The following NKAIN3 variants were observed in gnomAD, a reference collection of about 807,000 sequenced individuals.
The protein encoded by NKAIN3 is sodium/potassium-transporting ATPase subunit beta-1-interacting protein 3.
In NKAIN3, 25 loss-of-function variants were observed where a neutral mutation model predicts 30.2. That is an observed-to-expected ratio of 0.83 (90% CI 0.60 to 1.16). The LOEUF (loss-of-function observed/expected upper bound fraction) is 1.16. NKAIN3 is among the 50% of genes most tolerant of loss of function. NKAIN3 has a pLI of 0.00. For missense variants in NKAIN3, 225 were observed against 254.1 expected (o/e 0.89, Z 0.78); for synonymous variants, 91 against 89.6 (o/e 1.02, Z -0.09).
At chr8:62,830,138 A>G (rs1441582837) in intron 4 of NKAIN3, among the ~76,000 whole-genome samples, 1 of 152,186 alleles carries the variant, frequency 6.6e-6, no homozygotes, top group African/African-American at 2.4e-5. Context: ...GGGATCTAAG[A>G]GTCATGATAG....
chr8:62,953,588 A>C (rs539808385), intron 5 of NKAIN3, among the ~76,000 whole-genome samples: 2 of 152,282 alleles, frequency 1.3e-5, no homozygotes, highest in African/African-American at 4.8e-5. Context: ...TATAGGGAGA[A>C]AGGGCATGTC....
At chr8:62,518,855 C>T (rs994995831) in intron 1 of NKAIN3, among the ~76,000 whole-genome samples, 2 of 148,022 alleles carry the variant, frequency 1.4e-5, no homozygotes, top group African/African-American at 2.6e-5. Context: ...GCTCAGATTT[C>T]TGCTAACTAG....
intron 1 of NKAIN3, among the ~76,000 whole-genome samples, chr8:62,318,508 G>T (rs1455382082): frequency 1.3e-5 from 2 of 152,160 alleles, no homozygotes; most frequent in African/African-American, 2.4e-5. Flanking sequence ...TAGCAATGAA[G>T]GTTGTTGAAG....
At chr8:62,837,479 A>T (rs746129380) in intron 4 of NKAIN3, among the ~76,000 whole-genome samples, 17 of 152,152 alleles carry the variant, frequency 1.1e-4, no homozygotes, top group South Asian at 2.1e-4. Context: ...AGTAATTTTT[A>T]ATTGTTCTGT....
intron 3 of NKAIN3, among the ~76,000 whole-genome samples, chr8:62,591,336 A>T (rs972880637): frequency 2.6e-5 from 4 of 151,884 alleles, no homozygotes; most frequent in Non-Finnish European, 4.4e-5. Context: ...CTCTGAGGCA[A>T]ATCCTTTGGC....
intron 1 of NKAIN3, among the ~76,000 whole-genome samples, chr8:62,550,923 AG>A (rs1809187774): frequency 2.0e-5 from 3 of 152,262 alleles, no homozygotes; most frequent in Admixed American, 2.0e-4. Context: ...ATCTGCCAAG[AG>A]GTCCTGAGAT....
intron 1 of NKAIN3, among the ~76,000 whole-genome samples, chr8:62,489,247 G>C (rs541609475): frequency 2.7e-5 from 4 of 150,698 alleles, no homozygotes; most frequent in Non-Finnish European, 5.9e-5. Flanking sequence ...GGATGGTCTC[G>C]ATCTCCTGAC....
At chr8:62,562,543 A>G (rs988376188) in intron 1 of NKAIN3, among the ~76,000 whole-genome samples, 4 of 152,150 alleles carry the variant, frequency 2.6e-5, no homozygotes, top group African/African-American at 7.2e-5. Context: ...TTCCCAGGAT[A>G]TGAACAGAAA....
intron 3 of NKAIN3, among the ~76,000 whole-genome samples, chr8:62,710,568 T>G (rs1409099797): frequency 6.6e-6 from 1 of 152,204 alleles, no homozygotes; most frequent in African/African-American, 2.4e-5. Context: ...TCCATTTGCA[T>G]GAAATGCCTT....
intron 3 of NKAIN3, among the ~76,000 whole-genome samples, chr8:62,614,680 T>C (rs1395204795): frequency 6.6e-6 from 1 of 152,184 alleles, no homozygotes; most frequent in Non-Finnish European, 1.5e-5. Context: ...TACCTTGTGT[T>C]CTATTGTATT....
At chr8:62,689,301 C>G (rs1813890319) in intron 3 of NKAIN3, among the ~76,000 whole-genome samples, 1 of 152,136 alleles carries the variant, frequency 6.6e-6, no homozygotes, top group African/African-American at 2.4e-5. Flanking sequence ...TCTAGCTGCC[C>G]TAGGCTCCTG....
At chr8:62,611,071 A>C (rs1811275267) in intron 3 of NKAIN3, among the ~76,000 whole-genome samples, 1 of 152,170 alleles carries the variant, frequency 6.6e-6, no homozygotes, top group Admixed American at 6.5e-5. Flanking sequence ...TCAGCCAGAC[A>C]GTCTTTAGCA....
chr8:62,424,668 C>T (rs1804749195), intron 1 of NKAIN3, among the ~76,000 whole-genome samples: 2 of 151,650 alleles, frequency 1.3e-5, no homozygotes, highest in Admixed American at 6.6e-5. Context: ...ATTTAAAAGA[C>T]AATTTAGAAC....
At chr8:62,624,732 T>C (rs140095924) in intron 3 of NKAIN3, among the ~76,000 whole-genome samples, 6 of 151,810 alleles carry the variant, frequency 4.0e-5, no homozygotes, top group African/African-American at 1.4e-4. Context: ...GGTGTGCTCG[T>C]TATGCAAATG....
At chr8:62,860,434 T>C (rs1036151515) in intron 4 of NKAIN3, among the ~76,000 whole-genome samples, 1 of 152,214 alleles carries the variant, frequency 6.6e-6, no homozygotes, top group African/African-American at 2.4e-5. Flanking sequence ...GTATACAAAA[T>C]TCCAGCCACC....
rs1585889841 is a variant in NKAIN3, at chr8:62,510,668, GA to G, written c.55-68867del. Among the ~76,000 whole-genome samples the G allele has an allele frequency of 2.0e-5, 3 of 152,248 alleles. No individual in the cohort carries two copies. In the East Asian group the frequency reaches 5.8e-4, roughly 29 times the overall value. On this transcript the variant is annotated intron_variant, in intron 1 of 6. Transcript: ENST00000623646. ...ATGTGGAAGTGAATAAGAATACAAA[GA>G]AAAGATTGAGGAGGAGGTGGAAGAG... is the stretch of plus-strand genomic sequence containing the variant.
Position 62,913,575 on chromosome 8 carries a change from A to G in NKAIN3, c.472-4878A>G, listed in dbSNP as rs536636674. 3.3e-5 allele frequency among the ~76,000 whole-genome samples: 5 copies of G among 152,330 alleles called. 1 individual carries two copies. In the South Asian group the frequency reaches 1.0e-3, roughly 32 times the overall value. ...AGATGAATTACAATCTCTGTGCAGGATTTAGTAGATTTACAGATTATATTA... is the reference window on the plus strand; with the variant it reads ...AGATGAATTACAATCTCTGTGCAGGGTTTAGTAGATTTACAGATTATATTA... On this transcript the variant is annotated intron_variant, in intron 4 of 6. Coordinates refer to ENST00000623646, the MANE Select transcript of NKAIN3 (RefSeq NM_001304533.3).
intron 1 of NKAIN3, among the ~76,000 whole-genome samples, chr8:62,518,673 T>G (rs1232485927): frequency 3.9e-5 from 6 of 152,170 alleles, no homozygotes. Context: ...AATTGTTTTT[T>G]CCTAAAAACA....
chr8:62,774,320 G>A (rs1343014042), intron 4 of NKAIN3, among the ~76,000 whole-genome samples: 2 of 152,260 alleles, frequency 1.3e-5, no homozygotes, highest in East Asian at 1.9e-4. Context: ...GTCTTTAGGT[G>A]TTACCAAATA....
Sources: allele counts gnomAD v4.1 joint callset (sites outside exome capture counted in the v4.1 genomes callset), GRCh38; gene constraint gnomAD v4.1.1; transcripts MANE v1.5; gene names NCBI Gene and HGNC (gene_info 2026-07-23, HGNC 2026-07-21).